DHRS3: variants seen among roughly 807,000 people sequenced by gnomAD.
DHRS3 encodes dehydrogenase/reductase 3.
DHRS3 carries 14 observed loss-of-function variants against 27.2 expected under a neutral mutation model. That is an observed-to-expected ratio of 0.52 (90% CI 0.34 to 0.81). The LOEUF (loss-of-function observed/expected upper bound fraction) is 0.81, where lower values mean the gene tolerates loss of function less well. Among genes scored for constraint, DHRS3 ranks in the 30% least tolerant of loss-of-function variants. The pLI is 0.01. For synonymous variants in DHRS3, 165 were observed against 175.9 expected (o/e 0.94, Z 0.49); for missense variants, 322 against 406.2 (o/e 0.79, Z 1.78).
intron 1 of DHRS3, among the ~76,000 whole-genome samples, chr1:12,597,372 C>T (rs1056932740): frequency 3.9e-5 from 6 of 152,182 alleles, no homozygotes; most frequent in African/African-American, 1.2e-4. Context: ...CCATGGCGCC[C>T]GGCCTGAAAT....
intron 1 of DHRS3, among the ~76,000 whole-genome samples, chr1:12,610,133 C>T (rs1455024414): frequency 6.6e-6 from 1 of 152,106 alleles, no homozygotes; most frequent in African/African-American, 2.4e-5. Context: ...GGCTGGAGTG[C>T]AGTGGCATGA....
At position 12,591,493 on chromosome 1, in the gene DHRS3, C is replaced by T. The variant is rs368544591; in HGVS notation, c.196-10827G>A. ...TGTCGCCCTCCCACAAGTCCCTGACCGCAACCTGGAGCAGGGCAGAGACTT... is the reference window on the plus strand; with the variant it reads ...TGTCGCCCTCCCACAAGTCCCTGACTGCAACCTGGAGCAGGGCAGAGACTT... On this transcript the variant is annotated intron_variant, in intron 1 of 5. Coordinates refer to ENST00000616661, the MANE Select transcript of DHRS3 (RefSeq NM_004753.7). This position sits in a 1 kb window ranked among gnomAD's most constrained non-coding sequence, Gnocchi z 4.1. 3.3e-5 allele frequency among the ~76,000 whole-genome samples: 5 copies of T among 152,232 alleles called. No homozygotes were observed. The highest frequency in any genetic ancestry group is 7.2e-5 in the African/African-American group (3 of 41,466).
At position 12,592,829 on chromosome 1, in the gene DHRS3, C is replaced by T. The variant is rs987571027; in HGVS notation, c.196-12163G>A. Among the ~76,000 whole-genome samples, 2 of 152,226 alleles carry T rather than the reference C, an allele frequency of 1.3e-5. No individual in the cohort carries two copies. Among genetic ancestry groups the T allele is most frequent in the African/African-American group, 2.4e-5 (1 of 41,458 alleles). ...CCACTCCCTGTTTTCAGATGCCAAG[C>T]TCTTTTTAACCTCCGAAGGCTCTTC... On this transcript the variant is annotated intron_variant, in intron 1 of 5. Transcript: ENST00000616661. This position sits in a 1 kb window ranked among gnomAD's most constrained non-coding sequence, Gnocchi z 4.2.
At chr1:12,614,188 G>A (rs927004153) in intron 1 of DHRS3, among the ~76,000 whole-genome samples, 5 of 152,110 alleles carry the variant, frequency 3.3e-5, no homozygotes, top group South Asian at 4.1e-4. Context: ...GACCAAAGGC[G>A]GGGATGGTCC....
chr1:12,580,374 A>G lies in DHRS3; in HGVS notation c.339+149T>C, dbSNP rs765878474. The G allele has an allele frequency of 7.0e-6, 7 of 1,005,680 alleles. No individual in the cohort carries two copies. In the Admixed American group the frequency reaches 9.9e-5, roughly 14 times the overall value. The allele number at this position is 1,005,680 out of a possible 1,614,324, so 62.3% of individuals were successfully genotyped here. On this transcript the variant is annotated intron_variant, in intron 2 of 5. Coordinates refer to ENST00000616661, the MANE Select transcript of DHRS3 (RefSeq NM_004753.7). The stretch of plus-strand genomic sequence containing the variant: ...AATCCCTGCCTATGTAACTGGGGCC[A>G]GCTTCATGGGAGAGTCCCCAAAGGT...
rs1490398454 is a variant in DHRS3, at chr1:12,586,423, T to C, written c.196-5757A>G. Among the ~76,000 whole-genome samples the C allele has an allele frequency of 2.6e-5, 4 of 151,700 alleles. No homozygotes were observed. Among genetic ancestry groups the C allele is most frequent in the Non-Finnish European group, 4.4e-5 (3 of 67,928 alleles). ...GCGTTCATCCCCACCCAGCCAGCCT[T>C]CTCCTGCTTCGTCTCCTCCAATGTC... On this transcript the variant is annotated intron_variant, in intron 1 of 5. Transcript: ENST00000616661. This position sits in a 1 kb window ranked among gnomAD's most constrained non-coding sequence, Gnocchi z 5.0.
chr1:12,575,898 G>T (rs1646582309), intron 4 of DHRS3, among the ~76,000 whole-genome samples: 1 of 152,064 alleles, frequency 6.6e-6, no homozygotes, highest in African/African-American at 2.4e-5. Context: ...GTAGAGACAG[G>T]GTTTCACCGT....
rs57427000 is a variant in DHRS3, at chr1:12,569,231, T to TCACACA, written c.825-813_825-808dup. On this transcript the variant is annotated intron_variant, in intron 5 of 5. Transcript: ENST00000616661. Reference sequence around the variant, plus strand: ...AAACTCTGTCCCCTCTCTCTCTCTCTCACACACACACACACACACACACAC... The same window carrying TCACACA: ...AAACTCTGTCCCCTCTCTCTCTCTCTCACACACACACACACACACACACACACACAC... Among the ~76,000 whole-genome samples the TCACACA allele has an allele frequency of 2.4e-3, 264 of 110,574 alleles. 2 individuals are homozygous for TCACACA. Among genetic ancestry groups the TCACACA allele is most frequent in the African/African-American group, 6.7e-3 (242 of 35,862 alleles). The allele number at this position is 110,574 out of a possible 152,430, so 72.5% of individuals were successfully genotyped here.
At chr1:12,605,289 C>G (rs1216317152) in intron 1 of DHRS3, among the ~76,000 whole-genome samples, 1 of 152,050 alleles carries the variant, frequency 6.6e-6, no homozygotes, top group Non-Finnish European at 1.5e-5. Context: ...TGTATATTAC[C>G]ATGGTCATGT....
chr1:12,572,750 G>A lies in DHRS3; in HGVS notation c.802C>T (p.His268Tyr), dbSNP rs1331993945. The part of the protein sequence containing the change: ...QALLLLPWTM[H>Y]ALVILKSILP... ...TACCTTTTCAAGATAACGAGGGCAT[G>A]CATTGTCCATGGGAGGAGGAGGAGG... is the stretch of plus-strand genomic sequence containing the variant. The change falls in exon 5 of 6, where the codon CAT becomes TAT. Residue 268 changes from histidine (H) to tyrosine (Y), a missense_variant. Coordinates refer to ENST00000616661, the MANE Select transcript of DHRS3 (RefSeq NM_004753.7). The A allele has an allele frequency of 6.2e-7, 1 of 1,609,146 alleles. No homozygotes were observed. Among genetic ancestry groups the A allele is most frequent in the Non-Finnish European group, 8.5e-7 (1 of 1,177,822 alleles).
At chr1:12,601,874 G>A (rs1646838137) in intron 1 of DHRS3, among the ~76,000 whole-genome samples, 2 of 152,306 alleles carry the variant, frequency 1.3e-5, no homozygotes, top group African/African-American at 2.4e-5. Context: ...ACCTTGTGAC[G>A]TGTCAGGGCT....
At chr1:12,600,848 G>T (rs1367893928) in intron 1 of DHRS3, among the ~76,000 whole-genome samples, 3 of 152,102 alleles carry the variant, frequency 2.0e-5, no homozygotes, top group Admixed American at 2.0e-4. Flanking sequence ...AGTTTCCAAA[G>T]TCAGTCTGTT....
Position 12,578,656 on chromosome 1 carries a change from C to G in DHRS3, c.698+62G>C. 6.6e-7 allele frequency: 1 copy of G among 1,506,730 alleles called. No homozygotes were observed. Among genetic ancestry groups the G allele is most frequent in the Non-Finnish European group, 9.2e-7 (1 of 1,086,088 alleles). The allele number at this position is 1,506,730 out of a possible 1,614,324, so 93.3% of individuals were successfully genotyped here. A position where few individuals can be genotyped will look rare whatever the true frequency, so the allele number is the denominator to read the frequency against. On this transcript the variant is annotated intron_variant, in intron 4 of 5. Transcript: ENST00000616661. This position sits in a 1 kb window ranked among gnomAD's most constrained non-coding sequence, Gnocchi z 4.5. ...CAGAGCTCTTTCTGCAGTTGGCTGACTGAATGGCTTGGGGAGGCAGGTGAG... is the reference window on the plus strand; with the variant it reads ...CAGAGCTCTTTCTGCAGTTGGCTGAGTGAATGGCTTGGGGAGGCAGGTGAG...
rs759423210 is a variant in DHRS3, at chr1:12,572,780, G to T, written c.772C>A (p.Gln258Lys). The part of the protein sequence containing the change: ...RRTVEAVQLN[Q>K]ALLLLPWTMH... Reference sequence around the variant, plus strand: ...GTCCATGGGAGGAGGAGGAGGGCCTGGTTGAGCTGCACAGCTTCCACTGTC... The same window carrying T: ...GTCCATGGGAGGAGGAGGAGGGCCTTGTTGAGCTGCACAGCTTCCACTGTC... Residue 258 changes from glutamine (Q) to lysine (K), a missense_variant, in exon 5 of 6, where the codon CAG (glutamine) becomes AAG (lysine). Coordinates refer to ENST00000616661, the MANE Select transcript of DHRS3 (RefSeq NM_004753.7). 1 of 1,612,006 alleles carries T rather than the reference G, an allele frequency of 6.2e-7. No individual in the cohort carries two copies. Among genetic ancestry groups the T allele is most frequent in the Non-Finnish European group, 8.5e-7 (1 of 1,179,174 alleles).
At chr1:12,613,610 A>T (rs549220808) in intron 1 of DHRS3, among the ~76,000 whole-genome samples, 1 of 152,266 alleles carries the variant, frequency 6.6e-6, no homozygotes, top group East Asian at 1.9e-4. Flanking sequence ...AAATCTACTC[A>T]CAGTGCTAGT....
intron 1 of DHRS3, among the ~76,000 whole-genome samples, chr1:12,613,410 T>C (rs1266005031): frequency 6.6e-6 from 1 of 152,232 alleles, no homozygotes; most frequent in Admixed American, 6.5e-5. Context: ...TAGGTCTTTA[T>C]TCATCTTTGC....
At chr1:12,577,667 A>G (rs1204237476) in intron 4 of DHRS3, among the ~76,000 whole-genome samples, 1 of 152,174 alleles carries the variant, frequency 6.6e-6, no homozygotes, top group African/African-American at 2.4e-5. Flanking sequence ...TGTATTAAAA[A>G]TACAAAAATT....
At chr1:12,585,329 CTGTGTGTCTGTGTCTCTGTGTGAG>C (rs1270121572) in intron 1 of DHRS3, among the ~76,000 whole-genome samples, 34 of 146,044 alleles carry the variant, frequency 2.3e-4, no homozygotes, top group East Asian at 1.6e-3. Context: ...CTATGTGTCT[CTGTGTGTCTGTGTCTCTGTGTGAG>C]TGTGTGTCTG....
In DHRS3 at chr1:12,572,312, C is replaced by T. The variant is rs547497624; in HGVS notation, c.824+416G>A. Among the ~76,000 whole-genome samples the T allele has an allele frequency of 6.5e-4, 99 of 152,264 alleles. 1 individual carries two copies. The highest frequency in any genetic ancestry group is 6.8e-3 in the Middle Eastern group (2 of 294). Reference sequence around the variant, plus strand: ...CCTCCCGAGTAGCTAAGACTACAGGCGCCCACCACCATGCCCAGCTACTTT... The same window carrying T: ...CCTCCCGAGTAGCTAAGACTACAGGTGCCCACCACCATGCCCAGCTACTTT... On this transcript the variant is annotated intron_variant, in intron 5 of 5. Coordinates refer to ENST00000616661, the MANE Select transcript of DHRS3 (RefSeq NM_004753.7).
Sources: gnomAD v4.1 joint callset for allele counts (sites outside exome capture counted in the v4.1 genomes callset) on GRCh38, gnomAD v4.1.1 for gene constraint, Gnocchi (gnomAD v3.1) non-coding constraint, MANE v1.5 for transcripts, NCBI Gene and HGNC (gene_info 2026-07-23, HGNC 2026-07-21) for gene names.